The following PLD5 variants were observed in gnomAD, a reference collection of about 807,000 sequenced individuals.
PLD5 encodes the protein phospholipase D family member 5, also known as inactive phospholipase D5.
In PLD5, 36 loss-of-function variants were observed where a neutral mutation model predicts 61.1. The observed-to-expected ratio is 0.59, with a 90% CI of 0.45 to 0.78. PLD5 has a LOEUF of 0.78. Ranked by LOEUF, PLD5 falls within the 30% of genes least tolerant of loss-of-function variation. The probability of loss-of-function intolerance (pLI) is 0.00; values close to 1 mark genes in which losing one functional copy is unlikely to be tolerated. For missense variants in PLD5, 515 were observed against 644.4 expected (o/e 0.80, Z 2.17); for synonymous variants, 243 against 242.8 (o/e 1.00, Z -0.01).
rs148801117 is a variant in PLD5 at position 242,435,184 on chromosome 1, C to T, written c.190-86942G>A. On this transcript the variant is annotated intron_variant, in intron 1 of 9. Transcript: ENST00000536534. The stretch of plus-strand genomic sequence containing the variant: ...ATGGATTTCCTATTTGCGAATTCAC[C>T]TACTTGCCAAAATTTTTTGTTACCC... 7.0e-3 allele frequency among the ~76,000 whole-genome samples: 1,069 copies of T among 151,714 alleles called. 18 individuals are homozygous for T. The highest frequency in any genetic ancestry group is 0.023 in the African/African-American group (962 of 41,172).
chr1:242,299,648 G>A (rs1675916053), intron 2 of PLD5, among the ~76,000 whole-genome samples: 1 of 152,238 alleles, frequency 6.6e-6, no homozygotes, highest in Non-Finnish European at 1.5e-5. Flanking sequence ...CCTGGGGCAT[G>A]AGGTCCATGA....
chr1:242,298,341 T>C (rs1675833024), intron 2 of PLD5, among the ~76,000 whole-genome samples: 1 of 152,242 alleles, frequency 6.6e-6, no homozygotes. Context: ...ATTTGTTGCT[T>C]ACAGTTTTAA....
At chr1:242,431,751 T>C (rs1665731269) in intron 1 of PLD5, among the ~76,000 whole-genome samples, 1 of 152,230 alleles carries the variant, frequency 6.6e-6, no homozygotes, top group South Asian at 2.1e-4. Context: ...TGTCCCTTCA[T>C]CTGTGTTAAC....
chr1:242,327,282 C>T (rs1658858968), intron 2 of PLD5, among the ~76,000 whole-genome samples: 1 of 152,168 alleles, frequency 6.6e-6, no homozygotes, highest in African/African-American at 2.4e-5. Flanking sequence ...GCTGGGCTTG[C>T]AGGCATGAGC....
At chr1:242,239,993 C>T (rs986861723) in intron 4 of PLD5, among the ~76,000 whole-genome samples, 1 of 152,172 alleles carries the variant, frequency 6.6e-6, no homozygotes, top group African/African-American at 2.4e-5. Context: ...GAAAGGGATG[C>T]AGAAAAGAAA....
chr1:242,493,449 G>A (rs1362246620), intron 1 of PLD5, among the ~76,000 whole-genome samples: 2 of 152,148 alleles, frequency 1.3e-5, no homozygotes, highest in African/African-American at 2.4e-5. Context: ...CCATCCAAAG[G>A]GTCAGAGGGA....
At chr1:242,376,989 T>C in intron 1 of PLD5, 1 of 1,611,780 alleles carries the variant, frequency 6.2e-7, no homozygotes, top group Non-Finnish European at 8.5e-7. Flanking sequence ...CATGTGAGTA[T>C]TTGAGGCAGC....
intron 1 of PLD5, among the ~76,000 whole-genome samples, chr1:242,386,953 T>A (rs1242751794): frequency 6.6e-6 from 1 of 152,200 alleles, no homozygotes; most frequent in South Asian, 2.1e-4. Context: ...TGGAAGAGAC[T>A]GTTACACCAA....
intron 1 of PLD5, among the ~76,000 whole-genome samples, chr1:242,369,739 G>A (rs527839960): frequency 5.3e-5 from 8 of 152,156 alleles, no homozygotes; most frequent in Admixed American, 2.6e-4. Flanking sequence ...CAATGAGAAA[G>A]AGAGCTGTCT....
chr1:242,271,639 G>A (rs1159004417), intron 3 of PLD5, among the ~76,000 whole-genome samples: 2 of 152,166 alleles, frequency 1.3e-5, no homozygotes, highest in Middle Eastern at 3.4e-3. Flanking sequence ...CTGCCAGGGT[G>A]AAAGAAATAT....
chr1:242,301,713 T>C (rs1444506254), intron 2 of PLD5, among the ~76,000 whole-genome samples: 1 of 151,972 alleles, frequency 6.6e-6, no homozygotes, highest in Non-Finnish European at 1.5e-5. Context: ...GCAACAGTTG[T>C]AACACTGTGT....
At position 242,237,891 on chromosome 1, in the gene PLD5, C is replaced by T. The variant is rs1317048577; in HGVS notation, c.608-17776G>A. On this transcript the variant is annotated intron_variant, in intron 4 of 9. Coordinates refer to ENST00000536534, the MANE Select transcript of PLD5 (RefSeq NM_001372062.1). ...AAGTATATCCCATAAAACATTTGGGCCACACTTAGACTATAGGCAGACCAG... is the reference window on the plus strand; with the variant it reads ...AAGTATATCCCATAAAACATTTGGGTCACACTTAGACTATAGGCAGACCAG... 3.3e-5 allele frequency among the ~76,000 whole-genome samples: 5 copies of T among 152,286 alleles called. No homozygotes were observed. In the East Asian group the frequency reaches 9.7e-4, roughly 29 times the overall value.
At chr1:242,380,677 T>C (rs978520592) in intron 1 of PLD5, among the ~76,000 whole-genome samples, 7 of 151,898 alleles carry the variant, frequency 4.6e-5, no homozygotes, top group African/African-American at 1.7e-4. Flanking sequence ...ATCCAGAGTC[T>C]ATAAGAAACT....
At chr1:242,220,988 C>T (rs1382961471) in intron 4 of PLD5, among the ~76,000 whole-genome samples, 2 of 152,168 alleles carry the variant, frequency 1.3e-5, no homozygotes, top group Non-Finnish European at 2.9e-5. Flanking sequence ...CCACTCGCCT[C>T]GGCCTTCCAA....
At chr1:242,181,682 G>GAGAC (rs1454770569) in intron 5 of PLD5, among the ~76,000 whole-genome samples, 1 of 148,550 alleles carries the variant, frequency 6.7e-6, no homozygotes, top group African/African-American at 2.5e-5. Context: ...GTTTTGTTTT[G>GAGAC]AGACAGAGTC....
At chr1:242,490,595 TTA>T (rs1169487857) in intron 1 of PLD5, among the ~76,000 whole-genome samples, 3 of 152,216 alleles carry the variant, frequency 2.0e-5, no homozygotes, top group Non-Finnish European at 4.4e-5. Flanking sequence ...CGTTCATTTA[TTA>T]TATAAACTTG....
At chr1:242,391,641 T>G (rs1034093603) in intron 1 of PLD5, among the ~76,000 whole-genome samples, 2 of 152,180 alleles carry the variant, frequency 1.3e-5, no homozygotes, top group Non-Finnish European at 2.9e-5. Flanking sequence ...GAGTACCCAT[T>G]CTGTATTTGA....
At chr1:242,248,978 C>T (rs1405491294) in intron 4 of PLD5, among the ~76,000 whole-genome samples, 2 of 152,032 alleles carry the variant, frequency 1.3e-5, no homozygotes, top group Non-Finnish European at 2.9e-5. Flanking sequence ...TGAAACCTCA[C>T]CTCTAATAAA....
intron 1 of PLD5, among the ~76,000 whole-genome samples, chr1:242,376,368 C>A (rs187822791): frequency 6.6e-6 from 1 of 152,258 alleles, no homozygotes; most frequent in Admixed American, 6.5e-5. Context: ...GCAGTTGTCT[C>A]AAATGTGAAC....
Sources: allele counts gnomAD v4.1 joint callset (sites outside exome capture counted in the v4.1 genomes callset), GRCh38; gene constraint gnomAD v4.1.1; transcripts MANE v1.5; gene names NCBI Gene and HGNC (gene_info 2026-07-23, HGNC 2026-07-21).